The following SCHIP1 variants were observed in gnomAD, a reference collection of about 807,000 sequenced individuals.
The protein encoded by SCHIP1 is schwannomin-interacting protein 1.
In SCHIP1, 8 loss-of-function variants were observed where a neutral mutation model predicts 29.7. The ratio of observed to expected loss-of-function variants is 0.27; its 90% CI spans 0.16 to 0.49. The LOEUF (loss-of-function observed/expected upper bound fraction) is 0.49, where lower values mean the gene tolerates loss of function less well. Among genes scored for constraint, SCHIP1 ranks in the 20% least tolerant of loss-of-function variants. The probability of loss-of-function intolerance (pLI) is 0.99; values close to 1 mark genes in which losing one functional copy is unlikely to be tolerated. For missense variants in SCHIP1, 193 were observed against 294.6 expected (o/e 0.66, Z 2.52); for synonymous variants, 76 against 94.9 (o/e 0.80, Z 1.16).
At chr3:159,755,402 G>C in the SCHIP1 span, among the ~76,000 whole-genome samples, 1 of 152,286 alleles carries the variant, frequency 6.6e-6, no homozygotes, top group Admixed American at 6.5e-5. Flanking sequence ...GAAACCATCA[G>C]ATCTTGTGAG....
chr3:159,697,768 T>C, the SCHIP1 span, among the ~76,000 whole-genome samples: 2 of 152,098 alleles, frequency 1.3e-5, no homozygotes, highest in African/African-American at 4.8e-5. Context: ...AAAAAAAAGT[T>C]GGGCCGAATA....
chr3:159,630,311 T>A, the SCHIP1 span, among the ~76,000 whole-genome samples: 9 of 152,126 alleles, frequency 5.9e-5, no homozygotes, highest in Non-Finnish European at 8.8e-5. Flanking sequence ...GAATTTTTTT[T>A]AAAACTATGT....
the SCHIP1 span, among the ~76,000 whole-genome samples, chr3:159,446,091 G>T: frequency 1.3e-5 from 2 of 151,868 alleles, no homozygotes; most frequent in South Asian, 4.1e-4. Context: ...TCAATACCAG[G>T]CTCAGGATGT....
At chr3:159,344,964 G>A in the SCHIP1 span, among the ~76,000 whole-genome samples, 1 of 152,126 alleles carries the variant, frequency 6.6e-6, no homozygotes, top group South Asian at 2.1e-4. Context: ...TAAGAAAAAT[G>A]TTGGCTGGGC....
chr3:159,877,219 G>C (rs1046101305), intron 2 of SCHIP1, among the ~76,000 whole-genome samples: 1 of 152,158 alleles, frequency 6.6e-6, no homozygotes, highest in Non-Finnish European at 1.5e-5. Context: ...GAGTGGTGGC[G>C]GGCGCCTATA....
At chr3:159,496,685 A>C in the SCHIP1 span, among the ~76,000 whole-genome samples, 1 of 152,190 alleles carries the variant, frequency 6.6e-6, no homozygotes, top group South Asian at 2.1e-4. Flanking sequence ...ACCATTGTGG[A>C]AGTCAGTGTG....
chr3:159,437,965 C>T, the SCHIP1 span, among the ~76,000 whole-genome samples: 2 of 152,238 alleles, frequency 1.3e-5, no homozygotes, highest in East Asian at 1.9e-4. Flanking sequence ...TGTTTAATAG[C>T]TCAGCTTCTC....
At chr3:159,501,101 G>A in the SCHIP1 span, among the ~76,000 whole-genome samples, 1 of 152,148 alleles carries the variant, frequency 6.6e-6, no homozygotes, top group Admixed American at 6.5e-5. Context: ...CAGCCAACTA[G>A]GGCTAGGACA....
At chr3:159,352,355 T>C in the SCHIP1 span, among the ~76,000 whole-genome samples, 1 of 152,228 alleles carries the variant, frequency 6.6e-6, no homozygotes, top group Admixed American at 6.5e-5. Flanking sequence ...GTAGGTAGGT[T>C]CTTCTCTTCT....
At chr3:159,303,529 A>AGGGAAGGT in the SCHIP1 span, among the ~76,000 whole-genome samples, 1 of 149,296 alleles carries the variant, frequency 6.7e-6, no homozygotes, top group Non-Finnish European at 1.5e-5. Flanking sequence ...GGAGGGAAGG[A>AGGGAAGGT]GGGAAGGGAG....
At chr3:159,668,376 C>CAAAAAAAAAAAAAAAAAAAAAAAAA in the SCHIP1 span, among the ~76,000 whole-genome samples, 11 of 46,406 alleles carry the variant, frequency 2.4e-4, no homozygotes, top group African/African-American at 9.6e-4. Flanking sequence ...GACTCCGTCT[C>CAAAAAAAAAAAAAAAAAAAAAAAAA]AAAAAAAAAA....
the SCHIP1 span, among the ~76,000 whole-genome samples, chr3:159,378,364 G>C: frequency 6.6e-6 from 1 of 152,186 alleles, no homozygotes; most frequent in Admixed American, 6.5e-5. Flanking sequence ...TTATGAGGGT[G>C]TGTTGTTGAT....
the SCHIP1 span, among the ~76,000 whole-genome samples, chr3:159,582,781 T>TAC: frequency 0.015 from 1,362 of 88,462 alleles, 21 homozygotes; most frequent in African/African-American, 0.047. Flanking sequence ...AACTGAAATA[T>TAC]ATATATACAC....
At chr3:159,297,559 T>C in the SCHIP1 span, among the ~76,000 whole-genome samples, 1 of 152,280 alleles carries the variant, frequency 6.6e-6, no homozygotes, top group South Asian at 2.1e-4. Flanking sequence ...CTAGCTCTTC[T>C]AATGTGCTGT....
chr3:159,296,576 C>A, the SCHIP1 span, among the ~76,000 whole-genome samples: 1 of 152,124 alleles, frequency 6.6e-6, no homozygotes, highest in African/African-American at 2.4e-5. Flanking sequence ...GAGTTCAAGA[C>A]CAGCCTGGCC....
the SCHIP1 span, among the ~76,000 whole-genome samples, chr3:159,792,797 T>A: frequency 6.6e-6 from 1 of 152,224 alleles, no homozygotes; most frequent in Non-Finnish European, 1.5e-5. Flanking sequence ...TGATAGTTTG[T>A]TTATTGGAAT....
At chr3:159,294,460 T>C in the SCHIP1 span, among the ~76,000 whole-genome samples, 3 of 152,184 alleles carry the variant, frequency 2.0e-5, no homozygotes, top group Non-Finnish European at 4.4e-5. Flanking sequence ...CTTAAGAATA[T>C]GAGTATTTAT....
At chr3:159,460,690 A>G in the SCHIP1 span, among the ~76,000 whole-genome samples, 3 of 152,122 alleles carry the variant, frequency 2.0e-5, no homozygotes, top group East Asian at 1.9e-4. Flanking sequence ...CTGGAACTGT[A>G]TCTATTTTAA....
chr3:159,745,802 C>T, the SCHIP1 span, among the ~76,000 whole-genome samples: 825 of 152,280 alleles, frequency 5.4e-3, 3 homozygotes, highest in African/African-American at 0.019. Context: ...AAATGACTCA[C>T]AGTCATGTTA....
Sources: allele counts gnomAD v4.1 joint callset (sites outside exome capture counted in the v4.1 genomes callset), GRCh38; gene constraint gnomAD v4.1.1; transcripts MANE v1.5; gene names NCBI Gene and HGNC (gene_info 2026-07-23, HGNC 2026-07-21).